PAPOLA: variants seen among roughly 807,000 people sequenced by gnomAD.
The protein encoded by PAPOLA is poly(A) polymerase alpha.
Under a neutral mutation model 100.6 loss-of-function variants are expected in PAPOLA, and 15 were observed. The observed-to-expected ratio is 0.15, with a 90% CI of 0.10 to 0.23. PAPOLA has a LOEUF of 0.23. Among genes scored for constraint, PAPOLA ranks in the 10% least tolerant of loss-of-function variants. PAPOLA has a pLI of 1.00. For missense variants in PAPOLA, 533 were observed against 884.2 expected (o/e 0.60, Z 5.04); for synonymous variants, 293 against 300.0 (o/e 0.98, Z 0.24).
chr14:96,539,285 TAAA>T (rs1899786111), intron 12 of PAPOLA, among the ~76,000 whole-genome samples: 2 of 152,112 alleles, frequency 1.3e-5, no homozygotes, highest in African/African-American at 4.8e-5. Context: ...TTAAATTTGT[TAAA>T]AAAGTTAAAA....
intron 16 of PAPOLA, among the ~76,000 whole-genome samples, chr14:96,548,986 A>G (rs1328466662): frequency 6.6e-6 from 1 of 152,194 alleles, no homozygotes; most frequent in African/African-American, 2.4e-5. Flanking sequence ...AGCAAGTTAC[A>G]TGGCAAACAT....
rs138584853 is a variant in PAPOLA, at chr14:96,558,290, T to C, written c.2004+1877T>C. Among the ~76,000 whole-genome samples, 747 of 152,324 alleles carry C rather than the reference T, an allele frequency of 4.9e-3. 9 individuals carry two copies. The highest frequency in any genetic ancestry group is 0.017 in the African/African-American group (720 of 41,578). ...TGGGTTGTGCAGCAGCTAAAGAATA[T>C]ACTCAATTTTTGTGTCAATTACACA... On this transcript the variant is annotated intron_variant, in intron 19 of 21. Coordinates refer to ENST00000216277, the MANE Select transcript of PAPOLA (RefSeq NM_032632.5).
chr14:96,543,477 C>G (rs1472197803), intron 14 of PAPOLA, among the ~76,000 whole-genome samples: 1 of 151,878 alleles, frequency 6.6e-6, no homozygotes, highest in Non-Finnish European at 1.5e-5. Flanking sequence ...TAGTAATGAG[C>G]TTATTTTAAA....
intron 1 of PAPOLA, among the ~76,000 whole-genome samples, chr14:96,519,073 CTG>C (rs201439138): frequency 6.6e-6 from 1 of 151,264 alleles, no homozygotes; most frequent in East Asian, 2.0e-4. Flanking sequence ...TAAGAGGTAG[CTG>C]TGTGTGTGTG....
In PAPOLA at chr14:96,532,306, G is replaced by GTGTGTT. The variant is rs1555393362; in HGVS notation, c.608-24_608-23insGTGTTT. On this transcript the variant is annotated intron_variant, in intron 7 of 21. Coordinates refer to ENST00000216277, the MANE Select transcript of PAPOLA (RefSeq NM_032632.5). ...GTTTTGTGTGTGTGTGTGTGTGTGT[G>GTGTGTT]TTTTTTTTTACCCCTATTAATTAGG... 12 of 1,250,376 alleles carry GTGTGTT rather than the reference G, an allele frequency of 9.6e-6. No individual in the cohort carries two copies. The African/African-American group carries it at 1.8e-4, about 19-fold the overall frequency. The allele number at this position is 1,250,376 out of a possible 1,614,324, so 77.5% of individuals were successfully genotyped here.
At chr14:96,564,525 A>G (rs2140345211) in intron 21 of PAPOLA, among the ~76,000 whole-genome samples, 1 of 152,238 alleles carries the variant, frequency 6.6e-6, no homozygotes, top group East Asian at 1.9e-4. Flanking sequence ...TCAGAAAATA[A>G]TAAATTTACT....
chr14:96,548,465 T>G (rs1900568306), intron 16 of PAPOLA, among the ~76,000 whole-genome samples: 1 of 152,144 alleles, frequency 6.6e-6, no homozygotes, highest in Non-Finnish European at 1.5e-5. Flanking sequence ...TTAGAGCCAT[T>G]TTTTCCTTAT....
At chr14:96,502,722 C>A in intron 1 of PAPOLA, 122 bp downstream of exon 1, 1 of 1,096,058 alleles carries the variant, frequency 9.1e-7, no homozygotes, top group Non-Finnish European at 1.3e-6. Context: ...TGGTAGGAGG[C>A]AGGCAGGACT....
intron 2 of PAPOLA, 158 bp from the exon 3 acceptor site, chr14:96,520,846 GAA>G (rs760917146): frequency 3.8e-5 from 21 of 546,454 alleles, no homozygotes; most frequent in Non-Finnish European, 6.4e-5. Flanking sequence ...GAGAGAGAGA[GAA>G]AGCGAGAGAG....
intron 6 of PAPOLA, among the ~76,000 whole-genome samples, chr14:96,528,253 AC>A (rs1405894301): frequency 6.6e-6 from 1 of 152,216 alleles, no homozygotes; most frequent in South Asian, 2.1e-4. Context: ...AAATGCTATT[AC>A]AAAAAAGTTT....
chr14:96,565,377 G>A lies in PAPOLA; in HGVS notation c.*327G>A, dbSNP rs1445329397. ...GTTTGATGCATTGTTTGGAAAATTT[G>A]CAATACAAACTGGCATAAGAATTAC... On this transcript the variant is annotated 3_prime_UTR_variant, in exon 22 of 22. Coordinates refer to ENST00000216277, the MANE Select transcript of PAPOLA (RefSeq NM_032632.5). 3.3e-6 allele frequency: 1 copy of A among 299,322 alleles called. No individual in the cohort carries two copies. The highest frequency in any genetic ancestry group is 6.1e-6 in the Non-Finnish European group (1 of 163,482). The allele number at this position is 299,322 out of a possible 1,614,324, so 18.5% of individuals were successfully genotyped here. A position where few individuals can be genotyped will look rare whatever the true frequency, so the allele number is the denominator to read the frequency against.
intron 1 of PAPOLA, among the ~76,000 whole-genome samples, chr14:96,512,184 A>G (rs1028730545): frequency 2.4e-4 from 37 of 152,146 alleles, no homozygotes; most frequent in Admixed American, 2.4e-3. Context: ...TTTATAAAAT[A>G]TAAGGTAAAA....
intron 10 of PAPOLA, chr14:96,535,642 C>A: frequency 2.0e-6 from 2 of 1,025,198 alleles, no homozygotes; most frequent in Non-Finnish European, 2.4e-6. Flanking sequence ...AGCAGGCACA[C>A]TTTCTAGTAA....
chr14:96,563,021 C>T, intron 21 of PAPOLA, 128 bp downstream of exon 21: 1 of 582,594 alleles, frequency 1.7e-6, no homozygotes, highest in Non-Finnish European at 3.0e-6. Context: ...ACTTGCTAGC[C>T]TATAAACGTA....
At chr14:96,515,934 C>T (rs1431855254) in intron 1 of PAPOLA, among the ~76,000 whole-genome samples, 1 of 152,146 alleles carries the variant, frequency 6.6e-6, no homozygotes. Context: ...GGATTGGTAG[C>T]TGTCTGGTGT....
chr14:96,519,997 G>A, intron 1 of PAPOLA, 58 bp from the exon 2 acceptor site: 4 of 1,394,002 alleles, frequency 2.9e-6, no homozygotes, highest in South Asian at 1.4e-5. Flanking sequence ...TGGTCTTACT[G>A]ATTTGTTTCA....
chr14:96,547,765 C>G, intron 15 of PAPOLA, 32 bp from the exon 16 acceptor site: 1 of 1,545,780 alleles, frequency 6.5e-7, no homozygotes, highest in Non-Finnish European at 8.8e-7. Context: ...TAAAATGTTT[C>G]TATTTCTTGT....
chr14:96,560,280 G>A (rs1595561696), intron 19 of PAPOLA, among the ~76,000 whole-genome samples: 1 of 151,834 alleles, frequency 6.6e-6, no homozygotes, highest in African/African-American at 2.4e-5. Flanking sequence ...GCCACTCTGT[G>A]TGAATCTCCC....
intron 20 of PAPOLA, 41 bp downstream of exon 20, chr14:96,560,752 G>A: frequency 8.5e-7 from 1 of 1,175,758 alleles, no homozygotes; most frequent in Non-Finnish European, 1.2e-6. Context: ...ACAATTAAGA[G>A]TACAGAAGAT....
Sources: gnomAD v4.1 joint callset for allele counts (sites outside exome capture counted in the v4.1 genomes callset) on GRCh38, gnomAD v4.1.1 for gene constraint, MANE v1.5 for transcripts, NCBI Gene and HGNC (gene_info 2026-07-23, HGNC 2026-07-21) for gene names.